Variants in UBOX5 observed in about 807,000 individuals in gnomAD.
UBOX5 encodes the protein U-box domain containing 5, also known as RING finger protein 37.
UBOX5 carries 28 observed loss-of-function variants against 39.0 expected under a neutral mutation model. The ratio of observed to expected loss-of-function variants is 0.72; its 90% CI spans 0.53 to 0.98. The LOEUF (loss-of-function observed/expected upper bound fraction) is 0.98, where lower values mean the gene tolerates loss of function less well. Ranked by LOEUF, UBOX5 falls within the 50% of genes least tolerant of loss-of-function variation. The pLI, the probability that UBOX5 is intolerant of heterozygous loss-of-function variation, is 0.00. For missense variants in UBOX5, 585 were observed against 674.4 expected (o/e 0.87, Z 1.47); for synonymous variants, 283 against 275.5 (o/e 1.03, Z -0.27).
intron 1 of UBOX5, among the ~76,000 whole-genome samples, chr20:3,151,399 GA>G (rs2066623107): frequency 6.6e-6 from 1 of 152,228 alleles, no homozygotes; most frequent in African/African-American, 2.4e-5. Context: ...AACTGTGGCA[GA>G]TTGTATGGCC....
At chr20:3,142,484 A>C (rs1210014224) in intron 1 of UBOX5, among the ~76,000 whole-genome samples, 2 of 151,656 alleles carry the variant, frequency 1.3e-5, no homozygotes, top group East Asian at 3.9e-4. Context: ...GGTGCCTATA[A>C]TCCTAGCTAC....
At chr20:3,113,165 T>C (rs534355526) in intron 4 of UBOX5, among the ~76,000 whole-genome samples, 14 of 150,020 alleles carry the variant, frequency 9.3e-5, no homozygotes, top group East Asian at 2.0e-4. Flanking sequence ...CGTTTGCCTG[T>C]AATCCCAGCT....
chr20:3,148,137 A>G (rs779376392), intron 1 of UBOX5: 2 of 1,613,744 alleles, frequency 1.2e-6, no homozygotes, highest in East Asian at 4.5e-5. Flanking sequence ...AAATTGATCA[A>G]ATCTATATAT....
intron 1 of UBOX5, among the ~76,000 whole-genome samples, chr20:3,140,710 ATTTTT>A (rs560555990): frequency 2.7e-5 from 4 of 148,306 alleles, no homozygotes; most frequent in African/African-American, 9.9e-5. Flanking sequence ...GGGTTACCAG[ATTTTT>A]TTTTTTCAAC....
intron 1 of UBOX5, among the ~76,000 whole-genome samples, chr20:3,124,808 C>T (rs1014785040): frequency 6.6e-6 from 1 of 150,854 alleles, no homozygotes; most frequent in Non-Finnish European, 1.5e-5. Context: ...CTCTGCCTGG[C>T]TGCCCCATCT....
chr20:3,122,219 G>T lies in UBOX5; in HGVS notation c.420C>A (p.Pro140=). 1 of 1,614,242 alleles carries T rather than the reference G, an allele frequency of 6.2e-7. No homozygotes were observed. Among genetic ancestry groups the T allele is most frequent in the Non-Finnish European group, 8.5e-7 (1 of 1,180,036 alleles). The change falls in exon 3 of 5, where the codon CCC becomes CCA. Residue 140 remains proline, a synonymous_variant. Transcript: ENST00000217173. ...GTGTGGCTTCCATCGCGCCAAAAGG[G>T]GGCCTGGCCTTGAAGCCCCTGTGGC... The part of the protein sequence containing the change: ...VFSHRGFKAR[P]PFGAMEATLP...
chr20:3,135,548 G>T (rs1474315621), intron 1 of UBOX5, among the ~76,000 whole-genome samples: 1 of 151,964 alleles, frequency 6.6e-6, no homozygotes, highest in Non-Finnish European at 1.5e-5. Flanking sequence ...TCACTTAGTA[G>T]GCTGAGGTAG....
chr20:3,118,847 G>T (rs1468306616), intron 3 of UBOX5, among the ~76,000 whole-genome samples: 2 of 152,130 alleles, frequency 1.3e-5, no homozygotes, highest in Admixed American at 1.3e-4. Flanking sequence ...GCTGAGGCAT[G>T]AGAATTGCTT....
rs766826246 is a variant in UBOX5, at chr20:3,110,113, T to C, written c.1619A>G (p.His540Arg). The C allele has an allele frequency of 1.2e-5, 19 of 1,611,586 alleles. No homozygotes were observed. In the East Asian group the frequency reaches 4.0e-4, roughly 34 times the overall value. ...CCAGTGGAGGTCAGTCACTCAGAAG[T>C]GGACCCGCAGCACGTCTTGGCTAGC... ...PVASQDVLRV[H>R]F The change falls in exon 5 of 5, where the codon CAC (histidine) becomes CGC (arginine). Residue 540 changes from histidine to arginine, a missense_variant. By Grantham distance (29) the His-to-Arg change is conservative (BLOSUM62 0). Coordinates refer to ENST00000217173, the MANE Select transcript of UBOX5 (RefSeq NM_014948.4).
At chr20:3,133,823 T>C (rs2066448604) in intron 1 of UBOX5, among the ~76,000 whole-genome samples, 1 of 151,838 alleles carries the variant, frequency 6.6e-6, no homozygotes, top group Admixed American at 6.6e-5. Context: ...CTCGGCTCAC[T>C]GCAACCTCAA....
chr20:3,159,147 G>C (rs1263205658), intron 1 of UBOX5, among the ~76,000 whole-genome samples: 5 of 152,256 alleles, frequency 3.3e-5, no homozygotes, highest in African/African-American at 1.2e-4. Flanking sequence ...CTTACCCACG[G>C]AAAGAAAAAG....
At chr20:3,147,485 C>G (rs368858407) in intron 1 of UBOX5, 29 of 1,614,220 alleles carry the variant, frequency 1.8e-5, no homozygotes, top group Non-Finnish European at 2.4e-5. Context: ...ACGATTGCCT[C>G]TGTAATCTGG....
At chr20:3,126,960 C>T (rs1434735413) in intron 1 of UBOX5, among the ~76,000 whole-genome samples, 3 of 140,672 alleles carry the variant, frequency 2.1e-5, no homozygotes, top group Admixed American at 8.1e-5. Context: ...CACTTGAACC[C>T]GGGAGGTGGA....
chr20:3,124,233 CTCCCCTT>C (rs1245996688), intron 1 of UBOX5, among the ~76,000 whole-genome samples: 3 of 152,160 alleles, frequency 2.0e-5, no homozygotes, highest in African/African-American at 4.8e-5. Flanking sequence ...CCTCTCCCCT[CTCCCCTT>C]TCTTCGGTCT....
intron 1 of UBOX5, among the ~76,000 whole-genome samples, chr20:3,143,676 T>A (rs2066537121): frequency 6.6e-6 from 1 of 152,038 alleles, no homozygotes; most frequent in Non-Finnish European, 1.5e-5. Context: ...GTGCCTGTAA[T>A]CCCAGCTACT....
intron 1 of UBOX5, chr20:3,148,806 T>TTAGAGGAA (rs2066595513): frequency 3.1e-6 from 5 of 1,614,116 alleles, no homozygotes; most frequent in Non-Finnish European, 4.2e-6. Flanking sequence ...TGCAATGTAC[T>TTAGAGGAA]GGCCTTAGAG....
rs766337073 is a variant in UBOX5 at position 3,122,104 on chromosome 20, G to C, written c.535C>G (p.His179Asp). The C allele has an allele frequency of 1.9e-6, 3 of 1,614,248 alleles. No individual in the cohort carries two copies. In the Admixed American group the frequency reaches 5.0e-5, roughly 27 times the overall value. Residue 179 changes from histidine (H) to aspartate (D), a missense_variant, in exon 3 of 5, where the codon CAT becomes GAT. Physicochemically the swap from His to Asp is moderately conservative, Grantham distance 81. Coordinates refer to ENST00000217173, the MANE Select transcript of UBOX5 (RefSeq NM_014948.4). ...HVAHLRICITHVTGGGIPCIK... is the reference protein window; with the variant it reads ...HVAHLRICITDVTGGGIPCIK... Reference sequence around the variant, plus strand: ...CAAGGGATACCGCCGCCTGTCACATGGGTGATACAGATCCTTAAGTGGGCC... The same window carrying C: ...CAAGGGATACCGCCGCCTGTCACATCGGTGATACAGATCCTTAAGTGGGCC...
At position 3,109,962 on chromosome 20, in the gene UBOX5, C is replaced by T. The variant is rs11907671; in HGVS notation, c.*144G>A. ...CCAGCGCAGAAGCAATGTGCTATAC[C>T]GTGAGGTGATGAAGAAGAGCCCCGG... is the stretch of plus-strand genomic sequence containing the variant. On this transcript the variant is annotated 3_prime_UTR_variant, in exon 5 of 5. Coordinates refer to ENST00000217173, the MANE Select transcript of UBOX5 (RefSeq NM_014948.4). 2,039 of 905,448 alleles carry T rather than the reference C, an allele frequency of 2.3e-3. 40 individuals are homozygous for T. The African/African-American group carries it at 0.028, about 13-fold the overall frequency. The allele number at this position is 905,448 out of a possible 1,614,324, so 56.1% of individuals were successfully genotyped here.
intron 1 of UBOX5, among the ~76,000 whole-genome samples, chr20:3,136,693 T>C (rs2066475423): frequency 6.6e-6 from 1 of 151,256 alleles, no homozygotes; most frequent in African/African-American, 2.4e-5. Context: ...TCTTGTTCTG[T>C]TGCCCAGGCT....
Sources: allele counts gnomAD v4.1 joint callset (sites outside exome capture counted in the v4.1 genomes callset), GRCh38; gene constraint gnomAD v4.1.1; transcripts MANE v1.5; gene names NCBI Gene and HGNC (gene_info 2026-07-23, HGNC 2026-07-21).